Variants in PDZD2 observed in about 807,000 individuals in gnomAD.
PDZD2 encodes PDZ domain containing 2, also known as PDZ domain-containing protein 2.
In PDZD2, 90 loss-of-function variants were observed where a neutral mutation model predicts 220.7. The observed-to-expected ratio is 0.41, with a 90% CI of 0.34 to 0.49. The LOEUF is 0.49. Among genes scored for constraint, PDZD2 ranks in the 20% least tolerant of loss-of-function variants. PDZD2 has a pLI of 0.28. For missense variants in PDZD2, 3,174 were observed against 3,608.5 expected (o/e 0.88, Z 3.08); for synonymous variants, 1,375 against 1,450.5 (o/e 0.95, Z 1.18).
At chr5:31,903,320 TA>T (rs1056816531) in intron 2 of PDZD2, among the ~76,000 whole-genome samples, 1 of 151,250 alleles carries the variant, frequency 6.6e-6, no homozygotes, top group African/African-American at 2.4e-5. Flanking sequence ...AAAATTAAAA[TA>T]AAAAAATATT....
chr5:31,837,611 C>G (rs950770300), intron 2 of PDZD2, among the ~76,000 whole-genome samples: 5 of 152,122 alleles, frequency 3.3e-5, no homozygotes, highest in Admixed American at 1.3e-4. Flanking sequence ...GTAATCCGAG[C>G]TACTCGGGAG....
At chr5:31,886,427 C>T (rs960496640) in intron 2 of PDZD2, among the ~76,000 whole-genome samples, 2 of 152,096 alleles carry the variant, frequency 1.3e-5, no homozygotes, top group Admixed American at 6.6e-5. Context: ...GCTTGCTGCC[C>T]GGACTCCCTT....
Position 31,840,619 on chromosome 5 carries a change from G to C in PDZD2, c.476+40895G>C, listed in dbSNP as rs906916132. 12 of 717,602 alleles carry C rather than the reference G, an allele frequency of 1.7e-5. No homozygotes were observed. The East Asian group carries it at 3.1e-4, about 19-fold the overall frequency. The allele number at this position is 717,602 out of a possible 1,614,324, so 44.5% of individuals were successfully genotyped here. On this transcript the variant is annotated intron_variant, in intron 2 of 24. Transcript: ENST00000438447. ...TTGAACCCAGGTACCTTTCTGATAGGCTTCTTTCTTTTTCTGATCATTTTC... is the reference window on the plus strand; with the variant it reads ...TTGAACCCAGGTACCTTTCTGATAGCCTTCTTTCTTTTTCTGATCATTTTC...
At chr5:32,054,236 C>T (rs193053779) in intron 10 of PDZD2, among the ~76,000 whole-genome samples, 48 of 150,290 alleles carry the variant, frequency 3.2e-4, no homozygotes, top group African/African-American at 1.1e-3. Context: ...GGAAGCAGAG[C>T]GCCTGGTCAT....
intron 2 of PDZD2, among the ~76,000 whole-genome samples, chr5:31,813,740 G>A (rs997652272): frequency 3.3e-5 from 5 of 152,180 alleles, no homozygotes; most frequent in African/African-American, 9.7e-5. Flanking sequence ...AGCAAATTCC[G>A]ATGCACAGAT....
At chr5:31,817,337 T>C (rs1317755714) in intron 2 of PDZD2, among the ~76,000 whole-genome samples, 2 of 151,336 alleles carry the variant, frequency 1.3e-5, no homozygotes, top group African/African-American at 4.9e-5. Context: ...CTACTAAAAA[T>C]GCAAAAATTA....
At chr5:32,024,187 G>A (rs916353007) in intron 6 of PDZD2, among the ~76,000 whole-genome samples, 6 of 152,206 alleles carry the variant, frequency 3.9e-5, no homozygotes, top group African/African-American at 1.4e-4. Context: ...GAGGAAGGAA[G>A]GAAAAGTCAT....
chr5:31,782,705 A>C (rs1455354042), intron 1 of PDZD2, among the ~76,000 whole-genome samples: 1 of 106,232 alleles, frequency 9.4e-6, no homozygotes, highest in Non-Finnish European at 1.8e-5. Flanking sequence ...AGACCACTTT[A>C]GATTTTTTTT....
chr5:31,987,712 C>G (rs775654708), intron 3 of PDZD2, among the ~76,000 whole-genome samples: 1 of 152,194 alleles, frequency 6.6e-6, no homozygotes, highest in Non-Finnish European at 1.5e-5. Flanking sequence ...CTCCAGTGCT[C>G]CAGGTCTCCC....
intron 1 of PDZD2, among the ~76,000 whole-genome samples, chr5:31,702,738 A>G (rs1339496736): frequency 2.6e-5 from 4 of 152,256 alleles, no homozygotes; most frequent in African/African-American, 7.2e-5. Context: ...TGTAAAACAT[A>G]TAATACTCAG....
intron 2 of PDZD2, among the ~76,000 whole-genome samples, chr5:31,928,580 G>C (rs1355302241): frequency 6.6e-6 from 1 of 151,964 alleles, no homozygotes. Context: ...GGTTCAAGGG[G>C]TTCTCCTGCC....
chr5:31,968,351 G>C (rs188827869), intron 2 of PDZD2, among the ~76,000 whole-genome samples: 5 of 152,090 alleles, frequency 3.3e-5, no homozygotes, highest in African/African-American at 1.2e-4. Flanking sequence ...GAGTGAGACT[G>C]TGTCTCAAAA....
intron 1 of PDZD2, among the ~76,000 whole-genome samples, chr5:31,663,885 A>C (rs1369446401): frequency 6.6e-6 from 1 of 152,014 alleles, no homozygotes. Context: ...GTATGCGGGC[A>C]CAAGTGTGTG....
chr5:32,075,481 T>G (rs967724138), intron 18 of PDZD2, among the ~76,000 whole-genome samples: 5 of 152,220 alleles, frequency 3.3e-5, no homozygotes, highest in Non-Finnish European at 1.5e-5. Flanking sequence ...TATATAATTA[T>G]AGCCACTCAT....
chr5:32,056,908 G>T (rs1270627740), intron 10 of PDZD2, among the ~76,000 whole-genome samples: 1 of 152,000 alleles, frequency 6.6e-6, no homozygotes, highest in Non-Finnish European at 1.5e-5. Flanking sequence ...TGGCCAACAT[G>T]GTGAAACCCT....
At chr5:32,023,222 C>G (rs547793115) in intron 6 of PDZD2, among the ~76,000 whole-genome samples, 6 of 152,220 alleles carry the variant, frequency 3.9e-5, no homozygotes, top group African/African-American at 1.4e-4. Flanking sequence ...TCATGTCATC[C>G]CCTCCTGCTC....
chr5:32,006,907 CTTTTT>C (rs1173189592), intron 5 of PDZD2, among the ~76,000 whole-genome samples: 1 of 47,844 alleles, frequency 2.1e-5, no homozygotes, highest in Non-Finnish European at 3.3e-5. Flanking sequence ...CCATGCTGGT[CTTTTT>C]TTTTTTTTTT....
intron 12 of PDZD2, among the ~76,000 whole-genome samples, 158 bp downstream of exon 12, chr5:32,058,261 G>C (rs1359721539): frequency 1.3e-5 from 2 of 151,658 alleles, no homozygotes; most frequent in African/African-American, 4.9e-5. Flanking sequence ...AGGTCAGGTA[G>C]AGAGATGTTA....
intron 2 of PDZD2, chr5:31,840,831 A>G (rs1322493576): frequency 4.0e-6 from 3 of 748,462 alleles, no homozygotes; most frequent in East Asian, 2.5e-5. Context: ...TCCTTTTTGA[A>G]CAGTACCCAT....
Sources: allele counts gnomAD v4.1 joint callset (sites outside exome capture counted in the v4.1 genomes callset), GRCh38; gene constraint gnomAD v4.1.1; transcripts MANE v1.5; gene names NCBI Gene and HGNC (gene_info 2026-07-23, HGNC 2026-07-21).